Variants in RBM20 observed in about 807,000 individuals in gnomAD.
The protein encoded by RBM20 is RNA binding motif protein 20.
In RBM20, 51 loss-of-function variants were observed where a neutral mutation model predicts 110.1. The ratio of observed to expected loss-of-function variants is 0.46; its 90% CI spans 0.37 to 0.59. RBM20 has a LOEUF of 0.59. RBM20 is among the 20% of genes least tolerant of loss of function. RBM20 has a pLI of 0.00. For missense variants in RBM20, 1,512 were observed against 1,574.9 expected, an observed-to-expected ratio of 0.96 and a Z score of 0.68; for synonymous variants, 589 against 618.2, an observed-to-expected ratio of 0.95 and a Z score of 0.70.
Position 110,812,535 on chromosome 10 carries a change from A to ACCACC in RBM20, c.2141_2145dup (p.Arg716ThrfsTer59), listed in dbSNP as rs1207617374. On this transcript the variant is annotated frameshift_variant, in exon 9 of 14. Coordinates refer to ENST00000369519, the MANE Select transcript of RBM20 (RefSeq NM_001134363.3). LOFTEE classifies it high-confidence loss of function. ...GACCCCTGGGCACATGATCGCAAAC[A>ACCACC]CCACCCCCGGCAACTGGACAAGGCT... is the stretch of plus-strand genomic sequence containing the variant. 2 of 1,551,464 alleles carry ACCACC rather than the reference A, an allele frequency of 1.3e-6. No individual in the cohort carries two copies. Among genetic ancestry groups the ACCACC allele is most frequent in the Non-Finnish European group, 1.7e-6 (2 of 1,146,980 alleles).
intron 12 of RBM20, among the ~76,000 whole-genome samples, chr10:110,825,005 G>C (rs1428820039): frequency 7.5e-6 from 1 of 134,220 alleles, no homozygotes; most frequent in Non-Finnish European, 1.7e-5. Context: ...CTTTCCTCCA[G>C]GTGTACCATT....
intron 1 of RBM20, among the ~76,000 whole-genome samples, chr10:110,705,630 A>G (rs1244704764): frequency 1.3e-5 from 2 of 152,258 alleles, no homozygotes; most frequent in African/African-American, 4.8e-5. Flanking sequence ...AATTTCATGT[A>G]AATACCATGC....
chr10:110,709,133 C>T (rs372061779), intron 1 of RBM20, among the ~76,000 whole-genome samples: 1 of 152,210 alleles, frequency 6.6e-6, no homozygotes, highest in South Asian at 2.1e-4. Flanking sequence ...TGAACCAGGA[C>T]AGAGCTATCC....
chr10:110,685,045 A>C (rs1269292274), intron 1 of RBM20, among the ~76,000 whole-genome samples: 1 of 152,084 alleles, frequency 6.6e-6, no homozygotes, highest in Non-Finnish European at 1.5e-5. Context: ...TGCGGTAGAG[A>C]GTGTTGTTTG....
At chr10:110,806,198 G>C (rs1354445479) in intron 7 of RBM20, among the ~76,000 whole-genome samples, 2 of 151,622 alleles carry the variant, frequency 1.3e-5, no homozygotes, top group Non-Finnish European at 2.9e-5. Flanking sequence ...AACCCAGAAG[G>C]CAGAGGTTGC....
intron 7 of RBM20, among the ~76,000 whole-genome samples, chr10:110,801,843 C>A (rs1050815698): frequency 6.6e-6 from 1 of 151,928 alleles, no homozygotes; most frequent in Admixed American, 6.6e-5. Flanking sequence ...CCGTGCCTGG[C>A]CAGTTTATCA....
intron 1 of RBM20, among the ~76,000 whole-genome samples, chr10:110,716,684 T>C (rs1863022230): frequency 6.6e-6 from 1 of 151,716 alleles, no homozygotes; most frequent in Admixed American, 6.6e-5. Flanking sequence ...GAGACCGAGG[T>C]GGGCAGATCC....
At position 110,837,018 on chromosome 10, in the gene RBM20, G is replaced by A. The variant is rs534952362; in HGVS notation, c.*1040G>A. 3.3e-5 allele frequency: 5 copies of A among 152,308 alleles called. No individual in the cohort carries two copies. In the East Asian group the frequency reaches 7.7e-4, roughly 23 times the overall value. The allele number at this position is 152,308 out of a possible 1,614,324, so 9.4% of individuals were successfully genotyped here. On this transcript the variant is annotated 3_prime_UTR_variant, in exon 14 of 14. Coordinates refer to ENST00000369519, the MANE Select transcript of RBM20 (RefSeq NM_001134363.3). ...CATCATCTGTCCTTGATTCAGCCTT[G>A]GTGCCTGCACTCTGGGGTACAACCA...
chr10:110,709,607 C>T (rs921340500), intron 1 of RBM20, among the ~76,000 whole-genome samples: 12 of 150,374 alleles, frequency 8.0e-5, no homozygotes, highest in Non-Finnish European at 1.5e-4. Flanking sequence ...TGCTTTGTTG[C>T]CCAGGCTGGA....
chr10:110,686,059 T>C (rs1283086119), intron 1 of RBM20, among the ~76,000 whole-genome samples: 1 of 152,154 alleles, frequency 6.6e-6, no homozygotes, highest in Non-Finnish European at 1.5e-5. Flanking sequence ...GCTGTGGAGC[T>C]TTGACAAGTT....
chr10:110,787,447 C>T (rs1844432688), intron 5 of RBM20, among the ~76,000 whole-genome samples: 1 of 152,150 alleles, frequency 6.6e-6, no homozygotes, highest in African/African-American at 2.4e-5. Context: ...TGTGAAGAGT[C>T]GGGGGGAAAC....
At chr10:110,823,035 G>C (rs1844934589) in intron 11 of RBM20, among the ~76,000 whole-genome samples, 1 of 152,088 alleles carries the variant, frequency 6.6e-6, no homozygotes, top group Non-Finnish European at 1.5e-5. Flanking sequence ...CCAGTGTTTG[G>C]GGTTCATATT....
At chr10:110,816,038 G>GGTGGCAAC (rs1309373065) in intron 9 of RBM20, among the ~76,000 whole-genome samples, 1 of 152,210 alleles carries the variant, frequency 6.6e-6, no homozygotes, top group Non-Finnish European at 1.5e-5. Context: ...TGCCCCTGGA[G>GGTGGCAAC]TCAGATAACA....
intron 10 of RBM20, 28 bp from the exon 11 acceptor site, chr10:110,821,247 C>T: frequency 3.9e-6 from 6 of 1,541,330 alleles, no homozygotes; most frequent in Non-Finnish European, 5.3e-6. Context: ...CAACCACCCT[C>T]TGACCTCCAT....
At position 110,652,805 on chromosome 10, in the gene RBM20, G is replaced by T. The variant is rs539259550; in HGVS notation, c.191+8160G>T. On this transcript the variant is annotated intron_variant, in intron 1 of 13. Coordinates refer to ENST00000369519, the MANE Select transcript of RBM20 (RefSeq NM_001134363.3). The stretch of plus-strand genomic sequence containing the variant: ...TGGGAATGGAGGAGAGAGAAATGGA[G>T]GCATTCATAAATTAACCGTGTATGT... Among the ~76,000 whole-genome samples the T allele has an allele frequency of 2.6e-5, 4 of 152,302 alleles. No homozygotes were observed. The South Asian group carries it at 8.3e-4, about 32-fold the overall frequency.
chr10:110,798,616 A>C (rs1237826538), intron 6 of RBM20, among the ~76,000 whole-genome samples: 1 of 152,222 alleles, frequency 6.6e-6, no homozygotes. Context: ...GTGAAATAAA[A>C]CCCTAAAGAA....
intron 3 of RBM20, 91 bp downstream of exon 3, chr10:110,783,518 G>A: frequency 9.7e-7 from 1 of 1,035,572 alleles, no homozygotes; most frequent in South Asian, 1.4e-5. Flanking sequence ...TTTGAGTCCT[G>A]GGGCAATAGC....
intron 7 of RBM20, among the ~76,000 whole-genome samples, chr10:110,807,468 C>G (rs1488269979): frequency 6.6e-6 from 1 of 152,238 alleles, no homozygotes. Flanking sequence ...CCCGCTCTGC[C>G]CCTCACTGGG....
At chr10:110,802,459 C>T (rs1444119000) in intron 7 of RBM20, among the ~76,000 whole-genome samples, 3 of 147,970 alleles carry the variant, frequency 2.0e-5, no homozygotes, top group Non-Finnish European at 4.5e-5. Context: ...CATTCTATAT[C>T]CAACCAAAGT....
Sources: gnomAD v4.1 joint callset for allele counts (sites outside exome capture counted in the v4.1 genomes callset) on GRCh38, gnomAD v4.1.1 for gene constraint, MANE v1.5 for transcripts, NCBI Gene and HGNC (gene_info 2026-07-23, HGNC 2026-07-21) for gene names.